DAB2IP: variants seen among roughly 807,000 people sequenced by gnomAD.
DAB2IP encodes DAB2 interacting protein, also known as disabled homolog 2-interacting protein.
In DAB2IP, 28 loss-of-function variants were observed where a neutral mutation model predicts 107.2. The ratio of observed to expected loss-of-function variants is 0.26; its 90% confidence interval spans 0.19 to 0.36. The LOEUF (loss-of-function observed/expected upper bound fraction) is 0.36. Ranked by LOEUF, DAB2IP falls within the 10% of genes least tolerant of loss-of-function variation. The pLI, the probability that DAB2IP is intolerant of heterozygous loss-of-function variation, is 1.00. For synonymous variants in DAB2IP, 755 were observed against 706.4 expected (o/e 1.07, Z -1.09); for missense variants, 1,400 against 1,644.7 (o/e 0.85, Z 2.57).
intron 6 of DAB2IP, among the ~76,000 whole-genome samples, chr9:121,761,552 G>A (rs1294545940): frequency 6.6e-6 from 1 of 152,226 alleles, no homozygotes; most frequent in Non-Finnish European, 1.5e-5. Context: ...GGAGGCCATG[G>A]CTGGAAGCCT....
intron 3 of DAB2IP, among the ~76,000 whole-genome samples, chr9:121,741,268 G>A (rs942455170): frequency 6.6e-6 from 1 of 152,194 alleles, no homozygotes; most frequent in African/African-American, 2.4e-5. Flanking sequence ...TGCAACAGGC[G>A]TGTAGGGTGG....
intron 1 of DAB2IP, chr9:121,567,325 C>A: frequency 1.3e-6 from 2 of 1,567,966 alleles, no homozygotes; most frequent in South Asian, 1.1e-5. Context: ...AGCAGGGAGG[C>A]AGTCAGGCAT....
At chr9:121,627,080 T>G (rs1831674953) in intron 1 of DAB2IP, among the ~76,000 whole-genome samples, 1 of 151,650 alleles carries the variant, frequency 6.6e-6, no homozygotes, top group African/African-American at 2.4e-5. Context: ...AATCAAATAT[T>G]ATAGACTGAA....
At chr9:121,572,808 G>T (rs554598184) in intron 1 of DAB2IP, among the ~76,000 whole-genome samples, 1 of 152,248 alleles carries the variant, frequency 6.6e-6, no homozygotes, top group Non-Finnish European at 1.5e-5. Context: ...CAGACAGCCC[G>T]CTGGGATAAA....
intron 1 of DAB2IP, among the ~76,000 whole-genome samples, chr9:121,620,509 C>T (rs946796906): frequency 6.6e-6 from 1 of 152,198 alleles, no homozygotes; most frequent in African/African-American, 2.4e-5. Flanking sequence ...CAGTGCTAAC[C>T]CCAGTAGGTT....
intron 3 of DAB2IP, among the ~76,000 whole-genome samples, chr9:121,729,504 C>G (rs1225125223): frequency 6.6e-6 from 1 of 152,204 alleles, no homozygotes; most frequent in African/African-American, 2.4e-5. Context: ...CCTCCATGTT[C>G]TCCTCTGAAG....
intron 3 of DAB2IP, among the ~76,000 whole-genome samples, chr9:121,719,694 C>A (rs1483054566): frequency 6.6e-6 from 1 of 152,314 alleles, no homozygotes; most frequent in East Asian, 1.9e-4. Flanking sequence ...CCAGGTGCTT[C>A]ATCTCTTAGT....
At chr9:121,653,864 C>T (rs575314491) in intron 1 of DAB2IP, among the ~76,000 whole-genome samples, 20 of 152,310 alleles carry the variant, frequency 1.3e-4, no homozygotes, top group African/African-American at 4.3e-4. Context: ...AAGGAGCTCA[C>T]GGCCTGCAGA....
exon 15 of DAB2IP, chr9:121,781,528 A>G: frequency 6.2e-7 from 1 of 1,614,030 alleles, no homozygotes; most frequent in East Asian, 2.2e-5. Context: ...TGTGGACTCC[A>G]AACAGAAGAT....
intron 1 of DAB2IP, among the ~76,000 whole-genome samples, chr9:121,642,041 T>C (rs1335099434): frequency 0.017 from 463 of 27,014 alleles, 6 homozygotes; most frequent in African/African-American, 0.039. Flanking sequence ...CTTTCTTTCT[T>C]TCTTTCTTTC....
At position 121,782,412 on chromosome 9, in the gene DAB2IP, C is replaced by G. The variant is rs1388992748; in HGVS notation, c.3484C>G (p.Gln1162Glu). Reference sequence around the variant, plus strand: ...CCAGCTGAAAGAGAGGTACAGCATGCAAGCCCGTAACGGCATCTCCCCCAC... The same window carrying G: ...CCAGCTGAAAGAGAGGTACAGCATGGAAGCCCGTAACGGCATCTCCCCCAC... The change falls in exon 16 of 16, where the codon CAA (glutamine) becomes GAA (glutamate). Residue 1162 changes from glutamine to glutamate, a missense_variant. By Grantham distance (29) the Gln-to-Glu change is conservative. Around this residue, in one of 3 missense-constraint regions of DAB2IP, gnomAD observed 600 missense variants for 659.1 expected, o/e 0.91. Coordinates refer to ENST00000408936, the Ensembl canonical transcript of DAB2IP. This position sits in a 1 kb window ranked among gnomAD's most constrained non-coding sequence, Gnocchi z 6.1. 3 of 1,614,012 alleles carry G rather than the reference C, an allele frequency of 1.9e-6. No individual in the cohort carries two copies. The highest frequency in any genetic ancestry group is 2.5e-6 in the Non-Finnish European group (3 of 1,179,994).
chr9:121,653,436 C>A (rs1383881641), intron 1 of DAB2IP, among the ~76,000 whole-genome samples: 1 of 151,994 alleles, frequency 6.6e-6, no homozygotes, highest in Non-Finnish European at 1.5e-5. Flanking sequence ...TCTGGGAGAC[C>A]GGGAATCTGG....
At chr9:121,683,304 C>G (rs1023278721) in intron 2 of DAB2IP, among the ~76,000 whole-genome samples, 5 of 152,290 alleles carry the variant, frequency 3.3e-5, no homozygotes, top group Admixed American at 6.5e-5. Context: ...TCCTGGTCTC[C>G]CCACGAGCTC....
At chr9:121,649,043 C>T (rs989304754), upstream of DAB2IP, among the ~76,000 whole-genome samples, 4 of 152,142 alleles carry the variant, frequency 2.6e-5, no homozygotes, top group Non-Finnish European at 5.9e-5. Flanking sequence ...GTTCCTGGGC[C>T]AGGAAGAAGG....
chr9:121,735,483 G>A (rs538262255), intron 3 of DAB2IP, among the ~76,000 whole-genome samples: 2 of 152,356 alleles, frequency 1.3e-5, no homozygotes, highest in South Asian at 4.1e-4. Context: ...TAAAACAGTG[G>A]CGCAGGCTGC....
chr9:121,583,952 G>C (rs2118912164), intron 1 of DAB2IP, among the ~76,000 whole-genome samples: 1 of 152,250 alleles, frequency 6.6e-6, no homozygotes, highest in African/African-American at 2.4e-5. Flanking sequence ...GCTGAGGTGG[G>C]AGGATCACAA....
At chr9:121,621,057 G>C (rs1285049067) in intron 1 of DAB2IP, among the ~76,000 whole-genome samples, 1 of 152,196 alleles carries the variant, frequency 6.6e-6, no homozygotes, top group Non-Finnish European at 1.5e-5. Context: ...CCCTGGGACA[G>C]GGAACCACAC....
upstream of DAB2IP, among the ~76,000 whole-genome samples, chr9:121,649,944 A>T (rs1247626734): frequency 6.6e-6 from 1 of 152,216 alleles, no homozygotes; most frequent in Non-Finnish European, 1.5e-5. Flanking sequence ...GATGGCTTTG[A>T]ATGCTGCCCA....
chr9:121,689,069 G>T (rs1182361572), intron 2 of DAB2IP, among the ~76,000 whole-genome samples: 1 of 152,138 alleles, frequency 6.6e-6, no homozygotes, highest in Admixed American at 6.5e-5. Flanking sequence ...GAGGTGGGTG[G>T]ATCACCTGAG....
Sources: gnomAD v4.1 joint callset for allele counts (sites outside exome capture counted in the v4.1 genomes callset) on GRCh38, gnomAD v4.1.1 for gene constraint, gnomAD v4.1.1 regional missense constraint, Gnocchi (gnomAD v3.1) non-coding constraint, MANE v1.5 for transcripts, NCBI Gene and HGNC (gene_info 2026-07-23, HGNC 2026-07-21) for gene names.